TEX11: variants seen among roughly 807,000 people sequenced by gnomAD.
TEX11 encodes testis-expressed protein 11.
TEX11 carries 7 observed loss-of-function variants against 84.4 expected under a neutral mutation model. The observed-to-expected ratio is 0.08, with a 90% CI of 0.05 to 0.16. The LOEUF (loss-of-function observed/expected upper bound fraction) is 0.16. Among genes scored for constraint, TEX11 ranks in the 10% least tolerant of loss-of-function variants. The pLI is 1.00. For missense variants in TEX11, 551 were observed against 660.5 expected, an observed-to-expected ratio of 0.83 and a Z score of 1.82; for synonymous variants, 264 against 222.8, an observed-to-expected ratio of 1.18 and a Z score of -1.64.
rs1457844694 is a variant in TEX11, at chrX:70,792,345, T to A, written c.692+14360A>T. ...ATATATATATATATATATATATATA[T>A]ATATATATATATACACACACAAATA... is the stretch of plus-strand genomic sequence containing the variant. On this transcript the variant is annotated intron_variant, in intron 9 of 29. Transcript: ENST00000374333. 3.8e-4 allele frequency among the ~76,000 whole-genome samples: 4 copies of A among 10,596 alleles called. 1 individual carries two copies. The highest frequency in any genetic ancestry group is 2.6e-3 in the African/African-American group (4 of 1,564). 9.2% of individuals were successfully genotyped at this position (10,596 alleles called of 115,157 possible).
At chrX:70,746,025 T>C (rs1001112583) in intron 9 of TEX11, among the ~76,000 whole-genome samples, 2 of 111,695 alleles carry the variant, frequency 1.8e-5, no homozygotes, top group Admixed American at 9.6e-5. Context: ...AAAATTGAAA[T>C]TGTCCTAAGG....
intron 7 of TEX11, among the ~76,000 whole-genome samples, chrX:70,842,315 G>C (rs1057402860): frequency 1.8e-5 from 2 of 111,273 alleles, no homozygotes; most frequent in African/African-American, 6.5e-5. Flanking sequence ...TGGGATGCAA[G>C]GCTGATTCAA....
intron 18 of TEX11, among the ~76,000 whole-genome samples, chrX:70,628,540 T>C (rs1322904324): frequency 3.6e-5 from 4 of 112,100 alleles, no homozygotes; most frequent in African/African-American, 1.3e-4. Flanking sequence ...CTTTATTCTA[T>C]ATACTTACAT....
intron 9 of TEX11, among the ~76,000 whole-genome samples, chrX:70,779,641 C>T (rs2091025198): frequency 9.1e-6 from 1 of 109,999 alleles, no homozygotes; most frequent in African/African-American, 3.3e-5. Context: ...ATAAAATTGT[C>T]AAGCATTTAG....
intron 16 of TEX11, among the ~76,000 whole-genome samples, chrX:70,658,188 G>A (rs1029117669): frequency 9.0e-6 from 1 of 111,484 alleles, no homozygotes; most frequent in Non-Finnish European, 1.9e-5. Flanking sequence ...GCTGAGAAGG[G>A]CGGATCACCT....
chrX:70,857,454 G>T (rs1446403176), intron 5 of TEX11: 3 of 162,126 alleles, frequency 1.9e-5, no homozygotes, highest in Non-Finnish European at 3.7e-5. Flanking sequence ...GTCACAAATG[G>T]ATCACATTCT....
At chrX:70,575,738 T>C (rs1319649188) in intron 25 of TEX11, among the ~76,000 whole-genome samples, 1 of 111,998 alleles carries the variant, frequency 8.9e-6, no homozygotes, top group Non-Finnish European at 1.9e-5. Context: ...AGACATGGAC[T>C]CATCTCCCAC....
intron 13 of TEX11, among the ~76,000 whole-genome samples, chrX:70,707,475 T>C (rs936099687): frequency 7.2e-5 from 8 of 110,707 alleles, no homozygotes; most frequent in Non-Finnish European, 1.1e-4. Context: ...CCTTCACCTA[T>C]GCAAATCTTA....
intron 2 of TEX11, among the ~76,000 whole-genome samples, chrX:70,894,758 C>A (rs2147883915): frequency 8.9e-6 from 1 of 111,860 alleles, no homozygotes; most frequent in Non-Finnish European, 1.9e-5. Flanking sequence ...TAATCCATCA[C>A]ATAAACAGAA....
rs776921269 is a variant in TEX11, at chrX:70,629,803, T to C, written c.1484-68A>G. ...AAAGAAATTACATATCTATGGTTAA[T>C]TATGCCACAATGAATTTGGAACTTA... is the stretch of plus-strand genomic sequence containing the variant. On this transcript the variant is annotated intron_variant, in intron 17 of 29. Coordinates refer to ENST00000374333, the MANE Select transcript of TEX11 (RefSeq NM_031276.3). The C allele has an allele frequency of 5.1e-6, 4 of 791,427 alleles. No individual in the cohort carries two copies. The African/African-American group carries it at 8.7e-5, about 17-fold the overall frequency. The allele number at this position is 791,427 out of a possible 1,213,427, so 65.2% of individuals were successfully genotyped here.
intron 28 of TEX11, among the ~76,000 whole-genome samples, chrX:70,538,315 C>T (rs1215492811): frequency 3.6e-5 from 4 of 110,466 alleles, no homozygotes; most frequent in Non-Finnish European, 5.7e-5. Flanking sequence ...TTGTGTTTTA[C>T]GGAGATATAT....
At chrX:70,732,924 A>C (rs1205744557) in intron 11 of TEX11, among the ~76,000 whole-genome samples, 2 of 112,208 alleles carry the variant, frequency 1.8e-5, no homozygotes, top group Non-Finnish European at 1.9e-5. Flanking sequence ...ACAGTAACCA[A>C]AACAGCATAG....
chrX:70,772,324 C>T (rs2147778263), intron 9 of TEX11, among the ~76,000 whole-genome samples: 1 of 111,988 alleles, frequency 8.9e-6, no homozygotes, highest in Non-Finnish European at 1.9e-5. Flanking sequence ...CCTATAATCC[C>T]AGCACTTTGG....
intron 17 of TEX11, among the ~76,000 whole-genome samples, chrX:70,634,480 T>C (rs1017597047): frequency 1.8e-5 from 2 of 111,730 alleles, no homozygotes; most frequent in Admixed American, 9.5e-5. Context: ...ATGGGAATAG[T>C]GTAAGGATGG....
At chrX:70,754,027 G>C (rs1033760181) in intron 9 of TEX11, among the ~76,000 whole-genome samples, 1 of 109,643 alleles carries the variant, frequency 9.1e-6, no homozygotes, top group Non-Finnish European at 1.9e-5. Context: ...AGCTGTGGTG[G>C]CTTCAGGGAG....
chrX:70,604,102 G>A (rs58319349), intron 24 of TEX11, among the ~76,000 whole-genome samples: 9,301 of 111,131 alleles, frequency 0.084, 850 homozygotes, highest in African/African-American at 0.27. Flanking sequence ...AAAAAAGAAC[G>A]GTAGTTAGAA....
At chrX:70,850,390 G>A (rs1391040219) in intron 7 of TEX11, among the ~76,000 whole-genome samples, 1 of 111,053 alleles carries the variant, frequency 9.0e-6, no homozygotes, top group Non-Finnish European at 1.9e-5. Context: ...GACTGTGCTA[G>A]CTTTTTTTGC....
At position 70,706,042 on chromosome X, in the gene TEX11, A is replaced by G. The variant is rs754972963; in HGVS notation, c.1004+16576T>C. On this transcript the variant is annotated intron_variant, in intron 13 of 29. Coordinates refer to ENST00000374333, the MANE Select transcript of TEX11 (RefSeq NM_031276.3). The stretch of plus-strand genomic sequence containing the variant: ...ATTGCGGCACTATTCACAATAGGAA[A>G]GACTTGGAACCAACCCAAATGTCCA... Among the ~76,000 whole-genome samples, 56 of 111,541 alleles carry G rather than the reference A, an allele frequency of 5.0e-4. 1 individual carries two copies. In the East Asian group the frequency reaches 0.01, roughly 21 times the overall value.
intron 9 of TEX11, among the ~76,000 whole-genome samples, chrX:70,783,094 C>T (rs2091052783): frequency 9.0e-6 from 1 of 111,489 alleles, no homozygotes. Flanking sequence ...AAGCACTCCT[C>T]AGCAAATGTA....
Sources: allele counts gnomAD v4.1 joint callset (sites outside exome capture counted in the v4.1 genomes callset), GRCh38; gene constraint gnomAD v4.1.1; transcripts MANE v1.5; gene names NCBI Gene and HGNC (gene_info 2026-07-23, HGNC 2026-07-21).